Variants in MCPH1 observed in about 807,000 individuals in gnomAD.
MCPH1 encodes the protein microcephalin.
Under a neutral mutation model 84.5 loss-of-function variants are expected in MCPH1, and 104 were observed. The ratio of observed to expected loss-of-function variants is 1.23; its 90% CI spans 1.05 to 1.45. The LOEUF is 1.45. Among genes scored for constraint, MCPH1 ranks in the 40% most tolerant of loss-of-function variants. MCPH1 has a pLI of 0.00. For synonymous variants in MCPH1, 514 were observed against 366.8 expected (o/e 1.40, Z -4.58); for missense variants, 1,498 against 1,005.7 (o/e 1.49, Z -6.62).
intron 12 of MCPH1, among the ~76,000 whole-genome samples, chr8:6,576,682 ATTTTTTTTTTTTTTTTTTTTTTTTTTTTT>A (rs58486084): frequency 1.3e-3 from 54 of 42,352 alleles, no homozygotes; most frequent in Admixed American, 3.8e-3. Context: ...TAATTTTTGT[ATTTTTTTTTTTTTTTTTTTTTTTTTTTTT>A]TTTTTTTTTT....
chr8:6,443,900 A>C (rs1803874408), intron 7 of MCPH1, among the ~76,000 whole-genome samples: 1 of 152,222 alleles, frequency 6.6e-6, no homozygotes, highest in South Asian at 2.1e-4. Flanking sequence ...TGAAACATTA[A>C]AGCCTACCAA....
At chr8:6,552,691 T>C (rs1823865520) in intron 12 of MCPH1, among the ~76,000 whole-genome samples, 1 of 152,188 alleles carries the variant, frequency 6.6e-6, no homozygotes, top group South Asian at 2.1e-4. Context: ...AAACACATAA[T>C]AACCCTACAA....
intron 3 of MCPH1, among the ~76,000 whole-genome samples, chr8:6,426,327 C>G (rs539397042): frequency 6.6e-6 from 1 of 152,172 alleles, no homozygotes; most frequent in Non-Finnish European, 1.5e-5. Flanking sequence ...TCCTTCGTGT[C>G]CATTTGCTGT....
chr8:6,463,876 C>T (rs1806552821), intron 9 of MCPH1, among the ~76,000 whole-genome samples: 1 of 152,168 alleles, frequency 6.6e-6, no homozygotes, highest in Non-Finnish European at 1.5e-5. Flanking sequence ...GGCTGTTTTC[C>T]ATTAGATGGT....
intron 11 of MCPH1, among the ~76,000 whole-genome samples, chr8:6,491,376 C>CTTTT (rs34589854): frequency 3.1e-5 from 4 of 128,134 alleles, no homozygotes; most frequent in East Asian, 2.3e-4. Context: ...TGGTTTCTTT[C>CTTTT]TTTTTTTTTT....
rs1563304816 is a variant in MCPH1 at position 6,505,179 on chromosome 8, T to TATATATATTCTTATGTATATATAGA, written c.2214+5258_2214+5259insTCTTATGTATATATAGAATATATAT. On this transcript the variant is annotated intron_variant, in intron 12 of 13. Coordinates refer to ENST00000344683, the MANE Select transcript of MCPH1 (RefSeq NM_024596.5). ...AATAAAAACTCTATGCCAAAGAATA[T>TATATATATTCTTATGTATATATAGA]ATATATATATATTCTTATGTATATA... is the stretch of plus-strand genomic sequence containing the variant. 1.3e-3 allele frequency among the ~76,000 whole-genome samples: 161 copies of TATATATATTCTTATGTATATATAGA among 122,648 alleles called. 1 individual carries two copies. Among genetic ancestry groups the TATATATATTCTTATGTATATATAGA allele is most frequent in the Non-Finnish European group, 2.2e-3 (131 of 59,702 alleles). The allele number at this position is 122,648 out of a possible 152,430, so 80.5% of individuals were successfully genotyped here.
At chr8:6,566,443 G>A (rs915613497) in intron 12 of MCPH1, among the ~76,000 whole-genome samples, 3 of 151,846 alleles carry the variant, frequency 2.0e-5, no homozygotes, top group Non-Finnish European at 2.9e-5. Context: ...CGTGTGTGGC[G>A]AGCAAGGCTA....
intron 9 of MCPH1, chr8:6,477,275 T>G (rs977364473): frequency 1.6e-5 from 5 of 310,552 alleles, no homozygotes; most frequent in African/African-American, 1.1e-4. Flanking sequence ...CTTTCTCACT[T>G]TGAAGTGCAT....
intron 13 of MCPH1, among the ~76,000 whole-genome samples, chr8:6,628,466 T>G (rs557609690): frequency 4.6e-5 from 4 of 87,004 alleles, no homozygotes; most frequent in Non-Finnish European, 8.0e-5. Flanking sequence ...TAAGACTCTG[T>G]CTCAAAAAAA....
chr8:6,468,994 G>C (rs1397862691), intron 9 of MCPH1, among the ~76,000 whole-genome samples: 1 of 152,078 alleles, frequency 6.6e-6, no homozygotes, highest in African/African-American at 2.4e-5. Flanking sequence ...TTCAAGACCA[G>C]CCTGGGCAAA....
chr8:6,566,063 G>A (rs189284695), intron 12 of MCPH1, among the ~76,000 whole-genome samples: 5 of 152,052 alleles, frequency 3.3e-5, no homozygotes, highest in African/African-American at 9.6e-5. Context: ...AAGGTAATGC[G>A]GTGCAAAGCA....
chr8:6,503,387 G>A, intron 12 of MCPH1: 1 of 893,892 alleles, frequency 1.1e-6, no homozygotes, highest in Admixed American at 2.1e-5. Flanking sequence ...TGCAGATGAT[G>A]GTGAGTATAG....
intron 12 of MCPH1, among the ~76,000 whole-genome samples, chr8:6,504,838 A>G (rs1021575629): frequency 1.3e-5 from 2 of 152,150 alleles, no homozygotes; most frequent in African/African-American, 2.4e-5. Context: ...AAATATACAC[A>G]TAGGGTTTGA....
In MCPH1 at chr8:6,506,960, C is replaced by T. The variant is rs778914216; in HGVS notation, c.2214+7031C>T. On this transcript the variant is annotated intron_variant, in intron 12 of 13. Coordinates refer to ENST00000344683, the MANE Select transcript of MCPH1 (RefSeq NM_024596.5). The stretch of plus-strand genomic sequence containing the variant: ...TCGTCCAGGCTGGATTGTACTGGTG[C>T]GATCTCGGCTCATTGCAAACTCTGT... Among the ~76,000 whole-genome samples the T allele has an allele frequency of 1.1e-3, 162 of 151,530 alleles. 2 individuals carry two copies. The highest frequency in any genetic ancestry group is 2.5e-4 in the Non-Finnish European group (17 of 67,914).
chr8:6,581,029 C>T (rs1827528233), intron 12 of MCPH1, among the ~76,000 whole-genome samples: 1 of 152,172 alleles, frequency 6.6e-6, no homozygotes, highest in Non-Finnish European at 1.5e-5. Flanking sequence ...ATAGCATTTA[C>T]ATTGTATTAA....
At chr8:6,529,480 C>A (rs1819034387) in intron 12 of MCPH1, among the ~76,000 whole-genome samples, 2 of 147,100 alleles carry the variant, frequency 1.4e-5, no homozygotes, top group South Asian at 4.3e-4. Flanking sequence ...GAGACAGAGT[C>A]TCACTCTGTT....
chr8:6,411,205 C>T (rs900624122), intron 2 of MCPH1, among the ~76,000 whole-genome samples: 3 of 152,150 alleles, frequency 2.0e-5, no homozygotes, highest in African/African-American at 7.2e-5. Flanking sequence ...GTGGTTGCAG[C>T]CTGTTTGAAC....
At chr8:6,637,735 C>T (rs970379872) in intron 13 of MCPH1, among the ~76,000 whole-genome samples, 1 of 152,116 alleles carries the variant, frequency 6.6e-6, no homozygotes, top group Non-Finnish European at 1.5e-5. Flanking sequence ...TCAACGGATC[C>T]TCCTAACTCG....
chr8:6,502,076 T>C (rs1169715655), intron 12 of MCPH1: 4 of 152,224 alleles, frequency 2.6e-5, no homozygotes, highest in African/African-American at 2.4e-5. Flanking sequence ...AGAAATTAAA[T>C]TGTAGTCTAG....
Sources: allele counts gnomAD v4.1 joint callset (sites outside exome capture counted in the v4.1 genomes callset), GRCh38; gene constraint gnomAD v4.1.1; transcripts MANE v1.5; gene names NCBI Gene and HGNC (gene_info 2026-07-23, HGNC 2026-07-21).